The following FILIP1L variants were observed in gnomAD, a reference collection of about 807,000 sequenced individuals.
The protein encoded by FILIP1L is filamin A-interacting protein 1-like.
Under a neutral mutation model 96.6 loss-of-function variants are expected in FILIP1L, and 55 were observed. The ratio of observed to expected loss-of-function variants is 0.57; its 90% CI spans 0.46 to 0.71. The LOEUF (loss-of-function observed/expected upper bound fraction) is 0.71, where lower values mean the gene tolerates loss of function less well. Ranked by LOEUF, FILIP1L falls within the 30% of genes least tolerant of loss-of-function variation. The probability of loss-of-function intolerance (pLI) is 0.00; values close to 1 mark genes in which losing one functional copy is unlikely to be tolerated. For synonymous variants in FILIP1L, 467 were observed against 473.9 expected (o/e 0.99, Z 0.19); for missense variants, 1,304 against 1,321.2 (o/e 0.99, Z 0.20).
chr3:99,871,099 C>G (rs964590337), intron 4 of FILIP1L, among the ~76,000 whole-genome samples: 9 of 152,214 alleles, frequency 5.9e-5, no homozygotes, highest in Non-Finnish European at 1.0e-4. Context: ...ATAACATACA[C>G]TGCCATACAA....
rs1033526393 is a variant in FILIP1L, at chr3:100,114,087, G to A, written c.-45C>T. 1.3e-5 allele frequency: 2 copies of A among 152,046 alleles called. No individual in the cohort carries two copies. The highest frequency in any genetic ancestry group is 4.8e-5 in the African/African-American group (2 of 41,352). The allele number at this position is 152,046 out of a possible 1,614,324, so 9.4% of individuals were successfully genotyped here. A position where few individuals can be genotyped will look rare whatever the true frequency, so the allele number is the denominator to read the frequency against. On this transcript the variant is annotated 5_prime_UTR_variant, in exon 1 of 6. Coordinates refer to ENST00000477258, the MANE Select transcript of FILIP1L (RefSeq NM_001387850.1). ...ACCGTGCAGGTGTTGATCACACCTGGTAATTCCTTCTTCTCATCCCCACCA... is the reference window on the plus strand; with the variant it reads ...ACCGTGCAGGTGTTGATCACACCTGATAATTCCTTCTTCTCATCCCCACCA...
intron 5 of FILIP1L, among the ~76,000 whole-genome samples, chr3:99,832,270 A>G (rs1942696941): frequency 1.4e-5 from 2 of 143,172 alleles, no homozygotes; most frequent in South Asian, 2.2e-4. Flanking sequence ...TCGCTGTATC[A>G]CCCAGACTGG....
chr3:100,048,765 T>A lies in FILIP1L; in HGVS notation c.-11+65288A>T, dbSNP rs185299146. Among the ~76,000 whole-genome samples the A allele has an allele frequency of 8.3e-4, 126 of 152,308 alleles. 2 individuals carry two copies. Among genetic ancestry groups the A allele is most frequent in the Non-Finnish European group, 7.3e-4 (50 of 68,032 alleles). On this transcript the variant is annotated intron_variant, in intron 1 of 5. Transcript: ENST00000477258. ...ATGGACAAAGACTGGGATTCCAGAT[T>A]TTCCTAACTAGCCCTAGGTTTTTCT...
In FILIP1L at chr3:99,849,558, T is replaced by C. The variant is rs775389901; in HGVS notation, c.2118A>G (p.Gln706=). The stretch of plus-strand genomic sequence containing the variant: ...GGTGCCCTGACTTAGCTTCTTCTTC[T>C]TGAAGCCTTTTGAAAAGCCATTGTT... ...SHEQWLFKRL[Q]EEEAKSGHLS... Residue 706 remains glutamine, a synonymous_variant, in exon 5 of 6, where the codon CAA becomes CAG. Coordinates refer to ENST00000477258, the MANE Select transcript of FILIP1L (RefSeq NM_001387850.1). 5 of 1,613,360 alleles carry C rather than the reference T, an allele frequency of 3.1e-6. No individual in the cohort carries two copies. In the African/African-American group the frequency reaches 4.0e-5, roughly 13 times the overall value.
intron 1 of FILIP1L, among the ~76,000 whole-genome samples, chr3:100,092,173 T>G (rs1038524327): frequency 2.0e-5 from 3 of 152,240 alleles, no homozygotes; most frequent in Non-Finnish European, 4.4e-5. Context: ...TTATCATGGC[T>G]TTCAAAGTTT....
At chr3:100,080,620 T>C (rs1330791880) in intron 1 of FILIP1L, among the ~76,000 whole-genome samples, 1 of 152,082 alleles carries the variant, frequency 6.6e-6, no homozygotes, top group Non-Finnish European at 1.5e-5. Context: ...TATGAAGGAG[T>C]GATGCCTTGT....
chr3:99,849,916 A>G lies in FILIP1L; in HGVS notation c.1760T>C (p.Met587Thr), dbSNP rs773676808. ...CAATGATTGAAGCCTATTTTTCAACATATTAACTCTTGACAGGAGATCATT... is the reference window on the plus strand; with the variant it reads ...CAATGATTGAAGCCTATTTTTCAACGTATTAACTCTTGACAGGAGATCATT... ...KGNDLLSRVN[M>T]LKNRLQSLEA... Residue 587 changes from methionine (M) to threonine (T), a missense_variant, in exon 5 of 6, where the codon ATG (methionine) becomes ACG (threonine). By Grantham distance (81) the Met-to-Thr change is moderately conservative. Transcript: ENST00000477258. 43 of 1,611,858 alleles carry G rather than the reference A, an allele frequency of 2.7e-5. No individual in the cohort carries two copies. The highest frequency in any genetic ancestry group is 3.4e-5 in the Non-Finnish European group (40 of 1,179,624).
rs1559692424 is a variant in FILIP1L at position 99,929,932 on chromosome 3, T to G, written c.350A>C (p.Glu117Ala). The change falls in exon 3 of 6, where the codon GAG (glutamate) becomes GCG (alanine). Residue 117 changes from glutamate (E) to alanine (A), a missense_variant. Transcript: ENST00000477258. ...TTGAAAAGCATCTCTCTGGAGAGCC[T>G]CTAACACCTTTTTTGGAGTGACAAA... Reference protein sequence around the residue: ...YGFVTPKKVLEALQRDAFQAK... With the variant: ...YGFVTPKKVLAALQRDAFQAK... The G allele has an allele frequency of 6.2e-7, 1 of 1,614,054 alleles. No individual in the cohort carries two copies. Among genetic ancestry groups the G allele is most frequent in the East Asian group, 2.2e-5 (1 of 44,882 alleles).
At chr3:99,904,478 T>G (rs1204297611) in intron 4 of FILIP1L, among the ~76,000 whole-genome samples, 1 of 152,236 alleles carries the variant, frequency 6.6e-6, no homozygotes, top group Non-Finnish European at 1.5e-5. Context: ...ATATTTACTA[T>G]GCTTCTTTAG....
chr3:99,983,460 G>GTGTGTA (rs1164514672), intron 1 of FILIP1L, among the ~76,000 whole-genome samples: 2 of 69,492 alleles, frequency 2.9e-5, no homozygotes, highest in Non-Finnish European at 4.9e-5. Context: ...ATATATATAT[G>GTGTGTA]TGTGTATATA....
In FILIP1L at chr3:99,848,662, A is replaced by C. The variant is rs371989728; in HGVS notation, c.3014T>G (p.Leu1005Trp). The C allele has an allele frequency of 1.4e-5, 23 of 1,613,970 alleles. No homozygotes were observed. The highest frequency in any genetic ancestry group is 1.9e-5 in the Non-Finnish European group (23 of 1,179,820). The change falls in exon 5 of 6, where the codon TTG (leucine) becomes TGG (tryptophan). Residue 1005 changes from leucine (L) to tryptophan (W), a missense_variant. Leu to Trp is a moderately conservative substitution (Grantham distance 61, BLOSUM62 -2). Transcript: ENST00000477258. ...PERTMSPIQV[L>W]AVTGSASSPE... ...AGAGCTAGCTGAACCAGTCACAGCC[A>C]AAACCTGAATAGGGGACATTGTCCT... is the stretch of plus-strand genomic sequence containing the variant.
At chr3:99,949,498 A>T (rs1177315993) in intron 1 of FILIP1L, among the ~76,000 whole-genome samples, 1 of 152,228 alleles carries the variant, frequency 6.6e-6, no homozygotes, top group Non-Finnish European at 1.5e-5. Context: ...CCCACCTTTC[A>T]ACAGGCAATT....
At chr3:100,010,361 T>C (rs1295139318) in intron 1 of FILIP1L, among the ~76,000 whole-genome samples, 1 of 152,080 alleles carries the variant, frequency 6.6e-6, no homozygotes, top group Non-Finnish European at 1.5e-5. Flanking sequence ...CTGAGTATAT[T>C]TACATGTCAA....
At chr3:99,865,553 C>T (rs918113372) in intron 4 of FILIP1L, among the ~76,000 whole-genome samples, 2 of 152,076 alleles carry the variant, frequency 1.3e-5, no homozygotes, top group South Asian at 2.1e-4. Context: ...TAGCAAGTTT[C>T]GTCATTTGGC....
intron 1 of FILIP1L, among the ~76,000 whole-genome samples, chr3:100,083,634 T>C (rs947812952): frequency 6.6e-6 from 1 of 152,264 alleles, no homozygotes; most frequent in African/African-American, 2.4e-5. Flanking sequence ...GTTTGAAATA[T>C]GAGGCCTACA....
At chr3:99,953,660 A>G (rs933469274) in intron 1 of FILIP1L, among the ~76,000 whole-genome samples, 2 of 152,198 alleles carry the variant, frequency 1.3e-5, no homozygotes, top group East Asian at 1.9e-4. Flanking sequence ...GGAAGATGCT[A>G]TAAATATATT....
chr3:99,850,466 C>G lies in FILIP1L; in HGVS notation c.1210G>C (p.Glu404Gln), dbSNP rs1271690590. ...TCTTTACTCTGTAACGTCTCCCTTT[C>G]AAGCCTCTTATTGAGATCTCTGCAC... is the stretch of plus-strand genomic sequence containing the variant. ...EQCRDLNKRL[E>Q]RETLQSKDFK... is the part of the protein sequence containing the mutation. Residue 404 changes from glutamate to glutamine, a missense_variant, in exon 5 of 6, where the codon GAA (glutamate) becomes CAA (glutamine). Physicochemically the swap from Glu to Gln is conservative, Grantham distance 29. Transcript: ENST00000477258. 7 of 1,613,982 alleles carry G rather than the reference C, an allele frequency of 4.3e-6. No individual in the cohort carries two copies. Among genetic ancestry groups the G allele is most frequent in the Non-Finnish European group, 5.1e-6 (6 of 1,180,012 alleles).
At chr3:99,969,452 C>CT (rs997004472) in intron 1 of FILIP1L, among the ~76,000 whole-genome samples, 13 of 152,166 alleles carry the variant, frequency 8.5e-5, no homozygotes, top group African/African-American at 2.9e-4. Context: ...TGAAAGCTGA[C>CT]TTTTTTTTCC....
At chr3:100,079,887 G>A (rs2107400111) in intron 1 of FILIP1L, among the ~76,000 whole-genome samples, 1 of 152,048 alleles carries the variant, frequency 6.6e-6, no homozygotes, top group South Asian at 2.1e-4. Context: ...CATAGATGTT[G>A]GGATTTTTTC....
Sources: gnomAD v4.1 joint callset for allele counts (sites outside exome capture counted in the v4.1 genomes callset) on GRCh38, gnomAD v4.1.1 for gene constraint, MANE v1.5 for transcripts, NCBI Gene and HGNC (gene_info 2026-07-23, HGNC 2026-07-21) for gene names.